Variants in TMEM161B observed in about 807,000 individuals in gnomAD.
TMEM161B encodes the protein transmembrane protein 161B.
In TMEM161B, 34 loss-of-function variants were observed where a neutral mutation model predicts 61.8. The ratio of observed to expected loss-of-function variants is 0.55; its 90% CI spans 0.42 to 0.73. The LOEUF is 0.73. Ranked by LOEUF, TMEM161B falls within the 30% of genes least tolerant of loss-of-function variation. The pLI, the probability that TMEM161B is intolerant of heterozygous loss-of-function variation, is 0.00. For missense variants in TMEM161B, 456 were observed against 558.5 expected (o/e 0.82, Z 1.85); for synonymous variants, 167 against 192.8 (o/e 0.87, Z 1.11).
intron 2 of TMEM161B, among the ~76,000 whole-genome samples, chr5:88,230,074 C>G (rs576800663): frequency 0.012 from 1,898 of 151,952 alleles, 32 homozygotes; most frequent in Admixed American, 0.042. Flanking sequence ...CACCTGTGGT[C>G]GGGGGAGAGG....
At chr5:88,214,108 T>C (rs1354972888) in intron 5 of TMEM161B, among the ~76,000 whole-genome samples, 1 of 152,198 alleles carries the variant, frequency 6.6e-6, no homozygotes, top group East Asian at 1.9e-4. Context: ...AATCTACATA[T>C]AGAACTGATT....
At chr5:88,232,006 T>TA (rs1751069812) in intron 2 of TMEM161B, among the ~76,000 whole-genome samples, 1 of 152,176 alleles carries the variant, frequency 6.6e-6, no homozygotes, top group Admixed American at 6.5e-5. Context: ...CATTTTTTTT[T>TA]AGTTCTGTGT....
At chr5:88,206,194 T>C (rs1380646136) in intron 7 of TMEM161B, among the ~76,000 whole-genome samples, 1 of 152,098 alleles carries the variant, frequency 6.6e-6, no homozygotes, top group Non-Finnish European at 1.5e-5. Flanking sequence ...GGAATTGACA[T>C]ATAACTTGGA....
rs764112016 is a variant in TMEM161B at position 88,220,727 on chromosome 5, GAAAAAAAAAAA to G, written c.290-19_290-9del. The G allele has an allele frequency of 6.8e-5, 41 of 602,764 alleles. No homozygotes were observed. Among genetic ancestry groups the G allele is most frequent in the Middle Eastern group, 7.0e-4 (1 of 1,420 alleles). 37.3% of individuals were successfully genotyped at this position (602,764 alleles called of 1,614,324 possible). On this transcript the variant is annotated splice_polypyrimidine_tract_variant and intron_variant, in intron 4 of 11. Transcript: ENST00000296595. ...CTGGAAAGTAATGCAATGCTGGAAA[GAAAAAAAAAAA>G]AAAAAAAAAAAAAGGTCAAAAAAAA...
At chr5:88,258,079 A>G (rs1755214324) in intron 1 of TMEM161B, among the ~76,000 whole-genome samples, 2 of 152,230 alleles carry the variant, frequency 1.3e-5, no homozygotes, top group Admixed American at 1.3e-4. Flanking sequence ...ATTAAAATCA[A>G]GAATAAGCAT....
At chr5:88,217,876 A>T (rs1580460722) in intron 5 of TMEM161B, among the ~76,000 whole-genome samples, 1 of 150,062 alleles carries the variant, frequency 6.7e-6, no homozygotes, top group Non-Finnish European at 1.5e-5. Flanking sequence ...ACCAAACACA[A>T]GCAACTCAGA....
intron 1 of TMEM161B, among the ~76,000 whole-genome samples, chr5:88,267,409 T>C (rs1226138674): frequency 6.6e-6 from 1 of 152,190 alleles, no homozygotes; most frequent in Non-Finnish European, 1.5e-5. Context: ...TACATTATTT[T>C]GAAGGTCTTT....
Position 88,195,925 on chromosome 5 carries a change from G to C in TMEM161B, c.*286C>G. 8.8e-7 allele frequency: 1 copy of C among 1,131,744 alleles called. No homozygotes were observed. Among genetic ancestry groups the C allele is most frequent in the Non-Finnish European group, 1.1e-6 (1 of 922,478 alleles). 70.1% of individuals were successfully genotyped at this position (1,131,744 alleles called of 1,614,324 possible). A position where few individuals can be genotyped will look rare whatever the true frequency, so the allele number is the denominator to read the frequency against. On this transcript the variant is annotated 3_prime_UTR_variant, in exon 12 of 12. Coordinates refer to ENST00000296595, the MANE Select transcript of TMEM161B (RefSeq NM_153354.5). ...GACTGCTGGAGGTTTCTGTAAACCA[G>C]GGTAATCAGAAATATTACCCTTGTA...
At chr5:88,219,392 A>C (rs1041325954) in intron 5 of TMEM161B, among the ~76,000 whole-genome samples, 3 of 152,220 alleles carry the variant, frequency 2.0e-5, no homozygotes, top group African/African-American at 7.2e-5. Flanking sequence ...AAAAGTAAGC[A>C]TGAAACAGAG....
intron 1 of TMEM161B, among the ~76,000 whole-genome samples, chr5:88,267,688 C>A (rs1264989129): frequency 1.3e-5 from 2 of 152,098 alleles, no homozygotes; most frequent in Non-Finnish European, 2.9e-5. Context: ...TGGCTTACTG[C>A]AAAGAATCAT....
At chr5:88,219,418 T>C (rs915882718) in intron 5 of TMEM161B, among the ~76,000 whole-genome samples, 1 of 152,042 alleles carries the variant, frequency 6.6e-6, no homozygotes, top group East Asian at 1.9e-4. Flanking sequence ...CAAGAAGAAG[T>C]TGCCTCTGGA....
chr5:88,202,939 A>C, intron 9 of TMEM161B, 23 bp downstream of exon 9: 1 of 1,447,414 alleles, frequency 6.9e-7, no homozygotes, highest in Non-Finnish European at 9.7e-7. Context: ...GATAAAAATC[A>C]GCCCTCAAAT....
downstream of TMEM161B, among the ~76,000 whole-genome samples, chr5:88,188,864 A>G (rs1748531110): frequency 6.6e-6 from 1 of 152,198 alleles, no homozygotes; most frequent in African/African-American, 2.4e-5. Flanking sequence ...AGGCCGGGTC[A>G]TCAGTGGCAC....
intron 10 of TMEM161B, 175 bp from the exon 11 acceptor site, chr5:88,197,940 C>T: frequency 2.2e-6 from 1 of 444,446 alleles, no homozygotes; most frequent in Non-Finnish European, 4.0e-6. Flanking sequence ...TTTGGAAAGG[C>T]TCAATTTGAA....
chr5:88,197,807 T>C (rs1434668982), intron 10 of TMEM161B, 42 bp from the exon 11 acceptor site: 4 of 1,516,650 alleles, frequency 2.6e-6, no homozygotes, highest in Middle Eastern at 1.7e-4. Context: ...GCAACTGACA[T>C]GTTAGGAGTG....
Position 88,195,685 on chromosome 5 carries a change from C to A in TMEM161B, c.*526G>T. ...TAAAATAACTATGCAGCTTTCTTTA[C>A]TGTAATATACAGTAGCTATCTCTTC... is the stretch of plus-strand genomic sequence containing the variant. On this transcript the variant is annotated 3_prime_UTR_variant, in exon 12 of 12. Transcript: ENST00000296595. 2.0e-6 allele frequency: 2 copies of A among 985,286 alleles called. No individual in the cohort carries two copies. Among genetic ancestry groups the A allele is most frequent in the Non-Finnish European group, 2.4e-6 (2 of 829,490 alleles). 61.0% of individuals were successfully genotyped at this position (985,286 alleles called of 1,614,324 possible).
At chr5:88,243,556 T>C (rs1580652011) in intron 1 of TMEM161B, among the ~76,000 whole-genome samples, 1 of 151,954 alleles carries the variant, frequency 6.6e-6, no homozygotes, top group East Asian at 1.9e-4. Context: ...GCAATGAACA[T>C]ACACATGCAT....
intron 11 of TMEM161B, among the ~76,000 whole-genome samples, chr5:88,197,054 A>T (rs938629606): frequency 1.3e-5 from 2 of 152,110 alleles, no homozygotes; most frequent in African/African-American, 4.8e-5. Context: ...AGTCTATGAC[A>T]CCTACTAGGT....
intron 5 of TMEM161B, among the ~76,000 whole-genome samples, chr5:88,216,908 G>C (rs1188317313): frequency 6.6e-6 from 1 of 152,154 alleles, no homozygotes. Flanking sequence ...GATGTTAAGT[G>C]GATAGAAAAG....
Sources: gnomAD v4.1 joint callset for allele counts (sites outside exome capture counted in the v4.1 genomes callset) on GRCh38, gnomAD v4.1.1 for gene constraint, MANE v1.5 for transcripts, NCBI Gene and HGNC (gene_info 2026-07-23, HGNC 2026-07-21) for gene names.